The following CADPS variants were observed in gnomAD, a reference collection of about 807,000 sequenced individuals.
The protein encoded by CADPS is calcium dependent secretion activator, also known as calcium-dependent secretion activator 1.
In CADPS, 57 loss-of-function variants were observed where a neutral mutation model predicts 167.3. The ratio of observed to expected loss-of-function variants is 0.34; its 90% CI spans 0.28 to 0.42. The LOEUF is 0.42. Ranked by LOEUF, CADPS falls within the 20% of genes least tolerant of loss-of-function variation. The probability of loss-of-function intolerance (pLI) is 1.00; values close to 1 mark genes in which losing one functional copy is unlikely to be tolerated. For synonymous variants in CADPS, 676 were observed against 635.3 expected, an observed-to-expected ratio of 1.06 and a Z score of -0.96; for missense variants, 1,414 against 1,738.1, an observed-to-expected ratio of 0.81 and a Z score of 3.32.
intron 11 of CADPS, 104 bp from the exon 12 acceptor site, chr3:62,536,685 G>A: frequency 8.4e-7 from 1 of 1,191,702 alleles, no homozygotes; most frequent in Non-Finnish European, 1.2e-6. Flanking sequence ...ATGAACGTTA[G>A]CTGTTTCCCC....
At chr3:62,661,271 G>A (rs755293383) in intron 4 of CADPS, among the ~76,000 whole-genome samples, 1 of 152,132 alleles carries the variant, frequency 6.6e-6, no homozygotes, top group Non-Finnish European at 1.5e-5. Context: ...TATAATAAAG[G>A]TTGATATGCG....
intron 3 of CADPS, among the ~76,000 whole-genome samples, chr3:62,709,936 A>AT (rs1268080363): frequency 2.0e-5 from 3 of 150,870 alleles, no homozygotes; most frequent in Admixed American, 6.6e-5. Flanking sequence ...CACCTGGCTA[A>AT]TTTTTTTTGT....
At chr3:62,552,308 A>G (rs976794499) in intron 10 of CADPS, among the ~76,000 whole-genome samples, 1 of 151,908 alleles carries the variant, frequency 6.6e-6, no homozygotes, top group African/African-American at 2.4e-5. Flanking sequence ...CAGCACACCA[A>G]CATGGCACAT....
At chr3:62,725,001 C>T (rs1227812993) in intron 3 of CADPS, among the ~76,000 whole-genome samples, 1 of 152,168 alleles carries the variant, frequency 6.6e-6, no homozygotes, top group East Asian at 1.9e-4. Context: ...GCCAGTGAGC[C>T]CCAGGCTCCC....
chr3:62,852,758 T>C (rs575176485), intron 1 of CADPS, among the ~76,000 whole-genome samples: 1 of 152,278 alleles, frequency 6.6e-6, no homozygotes, highest in Admixed American at 6.5e-5. Context: ...GCCACCTCCC[T>C]CCAGGAGTTT....
intron 9 of CADPS, among the ~76,000 whole-genome samples, chr3:62,563,039 G>C (rs1471419088): frequency 1.3e-5 from 2 of 152,178 alleles, no homozygotes; most frequent in African/African-American, 2.4e-5. Flanking sequence ...GAGAGACAGA[G>C]GCTTGATAAT....
intron 5 of CADPS, among the ~76,000 whole-genome samples, chr3:62,648,910 G>A (rs62242512): frequency 0.15 from 22,856 of 151,822 alleles, 2,042 homozygotes; most frequent in Middle Eastern, 0.25. Context: ...GAAATTACAC[G>A]GATGATTTTT....
intron 10 of CADPS, among the ~76,000 whole-genome samples, chr3:62,556,933 T>C (rs1440398338): frequency 6.6e-6 from 1 of 151,166 alleles, no homozygotes; most frequent in African/African-American, 2.4e-5. Context: ...AAAATGGATA[T>C]ATTGGGCAGG....
intron 29 of CADPS, among the ~76,000 whole-genome samples, chr3:62,400,601 C>CTT (rs143643930): frequency 6.9e-5 from 9 of 130,432 alleles, no homozygotes; most frequent in Admixed American, 5.4e-4. Context: ...TTTTTTTTTT[C>CTT]TTTTTTTTTT....
intron 11 of CADPS, 111 bp from the exon 12 acceptor site, chr3:62,536,692 C>G (rs2074755573): frequency 9.3e-7 from 1 of 1,069,906 alleles, no homozygotes; most frequent in African/African-American, 1.6e-5. Context: ...TTAGCTGTTT[C>G]CCCGTTGCCT....
chr3:62,832,052 T>C (rs567554476), intron 1 of CADPS, among the ~76,000 whole-genome samples: 1 of 152,298 alleles, frequency 6.6e-6, no homozygotes, highest in South Asian at 2.1e-4. Flanking sequence ...GAAGCTTACA[T>C]TTCATTGTTG....
chr3:62,825,048 T>C (rs1361026882), intron 1 of CADPS, among the ~76,000 whole-genome samples: 3 of 152,270 alleles, frequency 2.0e-5, no homozygotes, highest in Admixed American at 6.5e-5. Context: ...ACTGTCATAC[T>C]GGGAAATAAG....
intron 28 of CADPS, among the ~76,000 whole-genome samples, chr3:62,426,135 T>G (rs1197155247): frequency 6.6e-6 from 1 of 152,066 alleles, no homozygotes; most frequent in Non-Finnish European, 1.5e-5. Context: ...GGAAAGGGTG[T>G]GGGGTGTGTG....
chr3:62,551,180 C>T (rs991184619), intron 10 of CADPS, among the ~76,000 whole-genome samples: 1 of 152,168 alleles, frequency 6.6e-6, no homozygotes. Flanking sequence ...ATCTGATAGA[C>T]ATCCCAAGCT....
chr3:62,632,968 A>G (rs2149740333), intron 6 of CADPS, among the ~76,000 whole-genome samples: 1 of 152,198 alleles, frequency 6.6e-6, no homozygotes, highest in East Asian at 1.9e-4. Context: ...CATGGTTGTG[A>G]GAGATGCCAG....
intron 6 of CADPS, among the ~76,000 whole-genome samples, chr3:62,599,688 A>C (rs1162231261): frequency 2.1e-5 from 1 of 48,780 alleles, no homozygotes; most frequent in African/African-American, 9.8e-5. Flanking sequence ...ATATTATATA[A>C]TATTATAATA....
chr3:62,609,493 T>C (rs1578748237), intron 6 of CADPS, among the ~76,000 whole-genome samples: 2 of 152,150 alleles, frequency 1.3e-5, no homozygotes, highest in Admixed American at 1.3e-4. Context: ...TGGGGAAATC[T>C]AGAGATGCTG....
chr3:62,835,483 T>C (rs1193525873), intron 1 of CADPS, among the ~76,000 whole-genome samples: 1 of 152,376 alleles, frequency 6.6e-6, no homozygotes, highest in East Asian at 1.9e-4. Flanking sequence ...TAATTGAGCC[T>C]GTGATTGGGT....
intron 3 of CADPS, among the ~76,000 whole-genome samples, chr3:62,714,473 A>G (rs2084027106): frequency 1.3e-5 from 2 of 152,124 alleles, no homozygotes; most frequent in Admixed American, 1.3e-4. Context: ...AAAGCCAATT[A>G]CCACACGGCT....
Sources: allele counts gnomAD v4.1 joint callset (sites outside exome capture counted in the v4.1 genomes callset), GRCh38; gene constraint gnomAD v4.1.1; transcripts MANE v1.5; gene names NCBI Gene and HGNC (gene_info 2026-07-23, HGNC 2026-07-21).